The following CNTN4 variants were observed in gnomAD, a reference collection of about 807,000 sequenced individuals.
CNTN4 encodes the protein contactin 4, also known as contactin-4.
A neutral mutation model predicts 122.5 loss-of-function variants in CNTN4; 77 were observed. The observed-to-expected ratio is 0.63, with a 90% CI of 0.52 to 0.76. The LOEUF (loss-of-function observed/expected upper bound fraction) is 0.76. Ranked by LOEUF, CNTN4 falls within the 30% of genes least tolerant of loss-of-function variation. The pLI is 0.00. For missense variants in CNTN4, 1,256 were observed against 1,259.1 expected (o/e 1.00, Z 0.04); for synonymous variants, 512 against 447.0 (o/e 1.15, Z -1.83).
At chr3:2,472,487 C>A (rs1183057990) in intron 3 of CNTN4, among the ~76,000 whole-genome samples, 1 of 152,136 alleles carries the variant, frequency 6.6e-6, no homozygotes, top group Admixed American at 6.5e-5. Context: ...GATCCACCTG[C>A]CTCGGCGTCC....
rs183687624 is a variant in CNTN4 at position 2,225,296 on chromosome 3, C to T, written c.-144-113882C>T. On this transcript the variant is annotated intron_variant, in intron 2 of 24. Transcript: ENST00000418658. The stretch of plus-strand genomic sequence containing the variant: ...TTGGGAGGCCGAGGCGGGTGGATCA[C>T]GAGGTCAGGAGTTCAAGACAAGCCT... Among the ~76,000 whole-genome samples the T allele has an allele frequency of 8.8e-4, 134 of 151,842 alleles. 4 individuals are homozygous for T. Among genetic ancestry groups the T allele is most frequent in the Non-Finnish European group, 1.5e-3 (103 of 67,948 alleles).
At chr3:2,918,929 C>G (rs546448489) in intron 12 of CNTN4, among the ~76,000 whole-genome samples, 1 of 152,272 alleles carries the variant, frequency 6.6e-6, no homozygotes, top group South Asian at 2.1e-4. Context: ...GAACTGAATC[C>G]CTGATTTCTT....
At chr3:2,281,657 T>C (rs2041720216) in intron 2 of CNTN4, among the ~76,000 whole-genome samples, 1 of 152,142 alleles carries the variant, frequency 6.6e-6, no homozygotes, top group Admixed American at 6.6e-5. Flanking sequence ...ATAGTAGTAT[T>C]TCACATATCT....
intron 3 of CNTN4, among the ~76,000 whole-genome samples, chr3:2,509,086 G>A (rs1368999004): frequency 6.6e-6 from 1 of 152,162 alleles, no homozygotes; most frequent in Non-Finnish European, 1.5e-5. Flanking sequence ...AACAGGGATT[G>A]AATAGAACTT....
At chr3:2,787,297 G>T (rs2091866606) in intron 6 of CNTN4, among the ~76,000 whole-genome samples, 1 of 151,592 alleles carries the variant, frequency 6.6e-6, no homozygotes, top group Non-Finnish European at 1.5e-5. Context: ...AATCACTTGA[G>T]TCCAGGAGGT....
chr3:2,631,417 A>G (rs952767832), intron 4 of CNTN4, among the ~76,000 whole-genome samples: 16 of 152,116 alleles, frequency 1.1e-4, no homozygotes, highest in Admixed American at 3.9e-4. Context: ...GACATTAAAA[A>G]CAACACATAA....
At chr3:2,846,603 A>C (rs2093461129) in intron 7 of CNTN4, among the ~76,000 whole-genome samples, 1 of 152,172 alleles carries the variant, frequency 6.6e-6, no homozygotes, top group African/African-American at 2.4e-5. Flanking sequence ...GTTGGACTAA[A>C]CCAGTATTCA....
chr3:2,391,100 C>A (rs770324748), intron 3 of CNTN4, among the ~76,000 whole-genome samples: 6 of 152,140 alleles, frequency 3.9e-5, no homozygotes, highest in Non-Finnish European at 8.8e-5. Flanking sequence ...ACTGACCTTC[C>A]CTGCTGCACT....
intron 3 of CNTN4, among the ~76,000 whole-genome samples, chr3:2,482,146 T>C: frequency 6.6e-6 from 1 of 152,096 alleles, no homozygotes; most frequent in Admixed American, 6.5e-5. Flanking sequence ...AGAGACTTGT[T>C]GAATGGTTTT....
chr3:2,227,662 A>G (rs962640550), intron 2 of CNTN4, among the ~76,000 whole-genome samples: 1 of 152,178 alleles, frequency 6.6e-6, no homozygotes, highest in Admixed American at 6.5e-5. Flanking sequence ...AAGAGTGGCC[A>G]GCATGATTAA....
At chr3:3,049,666 A>G (rs1302029197) in intron 23 of CNTN4, among the ~76,000 whole-genome samples, 1 of 152,152 alleles carries the variant, frequency 6.6e-6, no homozygotes, top group African/African-American at 2.4e-5. Flanking sequence ...GACAGGAGAG[A>G]TGTATTATTT....
At chr3:2,906,918 C>G (rs2094241319) in intron 12 of CNTN4, among the ~76,000 whole-genome samples, 1 of 151,674 alleles carries the variant, frequency 6.6e-6, no homozygotes, top group Admixed American at 6.6e-5. Context: ...TTTGGAGATT[C>G]TTGAATGACA....
intron 2 of CNTN4, among the ~76,000 whole-genome samples, chr3:2,112,037 T>C (rs1030858192): frequency 6.6e-6 from 1 of 152,124 alleles, no homozygotes; most frequent in African/African-American, 2.4e-5. Flanking sequence ...ATTTCCATAG[T>C]GTGTTGTTTT....
At chr3:2,209,270 A>G (rs1283343805) in intron 2 of CNTN4, among the ~76,000 whole-genome samples, 4 of 152,212 alleles carry the variant, frequency 2.6e-5, no homozygotes, top group African/African-American at 9.6e-5. Context: ...CAGATCTTTT[A>G]CATGAGTGGG....
chr3:2,649,051 G>C (rs929538294), intron 4 of CNTN4, among the ~76,000 whole-genome samples: 3 of 152,176 alleles, frequency 2.0e-5, no homozygotes, highest in African/African-American at 7.2e-5. Context: ...GCTGAAAGAG[G>C]CCTGGAAGCT....
At chr3:2,915,129 G>C (rs1468376947) in intron 12 of CNTN4, among the ~76,000 whole-genome samples, 3 of 152,162 alleles carry the variant, frequency 2.0e-5, no homozygotes, top group East Asian at 3.9e-4. Context: ...GCAGTGTTGT[G>C]ATCTTGGCTC....
chr3:2,647,616 T>C (rs2083186969), intron 4 of CNTN4, among the ~76,000 whole-genome samples: 1 of 152,174 alleles, frequency 6.6e-6, no homozygotes, highest in Non-Finnish European at 1.5e-5. Context: ...ATTTGTTGTT[T>C]GTTGTATAAA....
intron 4 of CNTN4, among the ~76,000 whole-genome samples, chr3:2,683,057 C>T (rs1044278181): frequency 2.6e-5 from 4 of 152,138 alleles, no homozygotes; most frequent in African/African-American, 4.8e-5. Context: ...CATTTTCTCT[C>T]CTTAGATTCT....
chr3:2,387,492 C>G (rs757336335), intron 3 of CNTN4, among the ~76,000 whole-genome samples: 28 of 151,892 alleles, frequency 1.8e-4, no homozygotes, highest in Non-Finnish European at 3.1e-4. Context: ...TAATGGCATC[C>G]TTCTTCATTT....
Sources: gnomAD v4.1 joint callset for allele counts (sites outside exome capture counted in the v4.1 genomes callset) on GRCh38, gnomAD v4.1.1 for gene constraint, MANE v1.5 for transcripts, NCBI Gene and HGNC (gene_info 2026-07-23, HGNC 2026-07-21) for gene names.